The following FOXK2 variants were observed in gnomAD, a reference collection of about 807,000 sequenced individuals.
FOXK2 encodes the protein forkhead box protein K2.
A neutral mutation model predicts 53.3 loss-of-function variants in FOXK2; 24 were observed. The observed-to-expected ratio is 0.45, with a 90% CI of 0.33 to 0.63. The LOEUF is 0.63. Ranked by LOEUF, FOXK2 falls within the 30% of genes least tolerant of loss-of-function variation. The pLI, the probability that FOXK2 is intolerant of heterozygous loss-of-function variation, is 0.03. For missense variants in FOXK2, 952 were observed against 910.5 expected, an observed-to-expected ratio of 1.05 and a Z score of -0.59; for synonymous variants, 505 against 407.1, an observed-to-expected ratio of 1.24 and a Z score of -2.89.
intron 8 of FOXK2, chr17:82,593,516 G>GCC (rs2045278022): frequency 6.6e-6 from 1 of 152,370 alleles, no homozygotes; most frequent in South Asian, 2.1e-4. Flanking sequence ...GACGGCTATA[G>GCC]CCCCACGCCT....
At chr17:82,550,036 T>C (rs546093047) in intron 1 of FOXK2, among the ~76,000 whole-genome samples, 21 of 152,208 alleles carry the variant, frequency 1.4e-4, no homozygotes, top group African/African-American at 4.8e-4. Flanking sequence ...GACCCCCATC[T>C]CTACAAAAAC....
chr17:82,532,261 C>A (rs777799006), intron 1 of FOXK2, among the ~76,000 whole-genome samples: 3 of 152,130 alleles, frequency 2.0e-5, no homozygotes, highest in Non-Finnish European at 4.4e-5. Context: ...TCTCCTGCCT[C>A]AGCTTTCCGA....
chr17:82,588,886 T>TAAAAAA (rs71369024), intron 8 of FOXK2, among the ~76,000 whole-genome samples: 1 of 122,048 alleles, frequency 8.2e-6, no homozygotes. Flanking sequence ...CCATTTCTAC[T>TAAAAAA]AAAAAAAAAA....
chr17:82,582,625 C>A, intron 4 of FOXK2, 116 bp from the exon 5 acceptor site: 2 of 769,098 alleles, frequency 2.6e-6, no homozygotes, highest in Non-Finnish European at 4.1e-6. Context: ...TTCACTCTTG[C>A]AGTCTGCCAG....
chr17:82,583,913 ACAAATGACACC>A, intron 5 of FOXK2, 89 bp from the exon 6 acceptor site: 2 of 1,261,688 alleles, frequency 1.6e-6, no homozygotes, highest in South Asian at 3.0e-5. Context: ...TTGTCAGGAG[ACAAATGACACC>A]CCCTTTGCAA....
chr17:82,576,914 C>G (rs2044993760), intron 4 of FOXK2: 1 of 422,034 alleles, frequency 2.4e-6, no homozygotes. Flanking sequence ...AATCCCAGCA[C>G]TTTGGGAGGC....
At chr17:82,569,322 C>G (rs975760342) in intron 3 of FOXK2, among the ~76,000 whole-genome samples, 1 of 152,216 alleles carries the variant, frequency 6.6e-6, no homozygotes, top group Non-Finnish European at 1.5e-5. Flanking sequence ...GAGGGCGCGT[C>G]GCGTGTGGTG....
At chr17:82,586,926 C>G (rs892796247) in intron 7 of FOXK2, 137 bp from the exon 8 acceptor site, 13 of 812,646 alleles carry the variant, frequency 1.6e-5, no homozygotes, top group Admixed American at 5.3e-5. Context: ...ATTTGCTCAT[C>G]TTTTTCTAAT....
chr17:82,567,835 C>T (rs893514634), intron 2 of FOXK2, among the ~76,000 whole-genome samples: 1 of 152,050 alleles, frequency 6.6e-6, no homozygotes, highest in South Asian at 2.1e-4. Flanking sequence ...AGCAAATACC[C>T]TATTTCCACA....
intron 4 of FOXK2, among the ~76,000 whole-genome samples, chr17:82,580,432 A>T (rs1233984865): frequency 1.6e-5 from 1 of 61,594 alleles, no homozygotes. Context: ...GGCCCAGCCC[A>T]CCTCTCCATG....
chr17:82,586,189 G>A lies in FOXK2; in HGVS notation c.1565G>A (p.Arg522Lys), dbSNP rs201685003. The change falls in exon 7 of 9, where the codon AGG becomes AAG. Residue 522 changes from arginine (R) to lysine (K), a missense_variant. Arg to Lys is a conservative substitution (Grantham distance 26, BLOSUM62 2). This residue lies in a region of FOXK2 where 551 missense variants were observed against 385.1 expected (regional missense o/e 1.43). Transcript: ENST00000335255. ...KAEAQENGDH[R>K]EVKVKVEPIP... is the part of the protein sequence containing the mutation. ...GAGGCCCAGGAGAATGGAGACCACA[G>A]GGAAGTCAAAGGTAGGCGGAGGGGA... is the stretch of plus-strand genomic sequence containing the variant. The A allele has an allele frequency of 4.6e-5, 74 of 1,593,042 alleles. No individual in the cohort carries two copies. In the East Asian group the frequency reaches 1.5e-3, roughly 33 times the overall value.
chr17:82,552,258 TC>T (rs1262868400), intron 1 of FOXK2, among the ~76,000 whole-genome samples: 2 of 152,200 alleles, frequency 1.3e-5, no homozygotes, highest in East Asian at 1.9e-4. Context: ...ACAGAGAACT[TC>T]CGTTTTCCCA....
intron 7 of FOXK2, among the ~76,000 whole-genome samples, 157 bp from the exon 8 acceptor site, chr17:82,586,906 C>T (rs1295707845): frequency 2.6e-5 from 4 of 151,386 alleles, no homozygotes; most frequent in Non-Finnish European, 5.9e-5. Flanking sequence ...TCTCAAAAAA[C>T]AAAAAAAAGA....
chr17:82,532,577 TAAAA>T (rs2044482460), intron 1 of FOXK2, among the ~76,000 whole-genome samples: 1 of 152,198 alleles, frequency 6.6e-6, no homozygotes, highest in South Asian at 2.1e-4. Context: ...TGTGCAGACA[TAAAA>T]AAATATTTTT....
At chr17:82,552,865 C>T (rs974302526) in intron 1 of FOXK2, among the ~76,000 whole-genome samples, 5 of 152,184 alleles carry the variant, frequency 3.3e-5, no homozygotes, top group African/African-American at 9.7e-5. Context: ...CTGCAAGGCT[C>T]CAAACCGGAG....
At chr17:82,541,271 T>C (rs1457449395) in intron 1 of FOXK2, among the ~76,000 whole-genome samples, 1 of 147,468 alleles carries the variant, frequency 6.8e-6, no homozygotes, top group African/African-American at 2.5e-5. Context: ...TAACTAATGA[T>C]TTACAGTTTT....
At chr17:82,532,970 C>T (rs2044486449) in intron 1 of FOXK2, among the ~76,000 whole-genome samples, 1 of 151,986 alleles carries the variant, frequency 6.6e-6, no homozygotes, top group South Asian at 2.1e-4. Flanking sequence ...AAGACTGAAA[C>T]ACACACTAGC....
intron 1 of FOXK2, among the ~76,000 whole-genome samples, chr17:82,527,667 G>A (rs527956536): frequency 6.6e-6 from 1 of 152,270 alleles, no homozygotes; most frequent in South Asian, 2.1e-4. Context: ...GAGATACATT[G>A]TTATCACTGA....
At chr17:82,587,031 T>C in intron 7 of FOXK2, 32 bp from the exon 8 acceptor site, 1 of 1,598,514 alleles carries the variant, frequency 6.3e-7, no homozygotes, top group Non-Finnish European at 8.6e-7. Flanking sequence ...TTTCCAGTAA[T>C]ATTAATGTCG....
Sources: gnomAD v4.1 joint callset for allele counts (sites outside exome capture counted in the v4.1 genomes callset) on GRCh38, gnomAD v4.1.1 for gene constraint, gnomAD v4.1.1 regional missense constraint, MANE v1.5 for transcripts, NCBI Gene and HGNC (gene_info 2026-07-23, HGNC 2026-07-21) for gene names.